TRPM1: variants seen among roughly 807,000 people sequenced by gnomAD.
TRPM1 encodes the protein transient receptor potential cation channel subfamily M member 1, also known as TRPM1-203 APA Isoform, Intron 10.
TRPM1 carries 113 observed loss-of-function variants against 149.4 expected under a neutral mutation model. The ratio of observed to expected loss-of-function variants is 0.76; its 90% CI spans 0.65 to 0.88. The LOEUF is 0.88. Among genes scored for constraint, TRPM1 ranks in the 40% least tolerant of loss-of-function variants. The probability of loss-of-function intolerance (pLI) is 0.00; values close to 1 mark genes in which losing one functional copy is unlikely to be tolerated. For synonymous variants in TRPM1, 741 were observed against 759.5 expected (o/e 0.98, Z 0.40); for missense variants, 1,976 against 2,038.7 (o/e 0.97, Z 0.59).
chr15:31,104,784 CT>C (rs549895594), upstream of TRPM1, among the ~76,000 whole-genome samples: 91 of 152,038 alleles, frequency 6.0e-4, 3 homozygotes, highest in South Asian at 0.019. Context: ...TTAATAGAGA[CT>C]GGGTTTCACC....
At chr15:31,081,219 G>A (rs2034848486) in intron 2 of TRPM1, 134 bp downstream of exon 2, 3 of 729,346 alleles carry the variant, frequency 4.1e-6, no homozygotes, top group Non-Finnish European at 4.8e-6. Context: ...GCCATGGCCC[G>A]AGCCAGGCTC....
At chr15:31,035,879 C>T (rs751153982) in intron 20 of TRPM1, 2 of 657,218 alleles carry the variant, frequency 3.0e-6, no homozygotes, top group South Asian at 1.8e-5. Context: ...TACTTCAGCA[C>T]GATATGGGCC....
At chr15:31,034,136 C>A (rs542225875) in intron 21 of TRPM1, among the ~76,000 whole-genome samples, 1 of 152,252 alleles carries the variant, frequency 6.6e-6, no homozygotes, top group African/African-American at 2.4e-5. Context: ...TACATGCTTT[C>A]TCTTTATAAG....
At chr15:31,114,563 G>A (rs1030460570) in intron 1 of TRPM1, among the ~76,000 whole-genome samples, 2 of 152,086 alleles carry the variant, frequency 1.3e-5, no homozygotes, top group African/African-American at 4.8e-5. Flanking sequence ...AAAGACAAAG[G>A]TACAATTTTA....
At chr15:31,124,762 GGTTTT>G (rs1479517927) in intron 1 of TRPM1, among the ~76,000 whole-genome samples, 1 of 152,132 alleles carries the variant, frequency 6.6e-6, no homozygotes, top group Admixed American at 6.5e-5. Flanking sequence ...TGAATGTCAG[GGTTTT>G]GGGGGAAGAC....
chr15:31,057,374 G>A (rs750017392), intron 11 of TRPM1, among the ~76,000 whole-genome samples: 52 of 152,060 alleles, frequency 3.4e-4, no homozygotes, highest in Non-Finnish European at 6.3e-4. Context: ...AACAGACACT[G>A]GGGCCTTTTG....
Position 31,067,167 on chromosome 15 carries a change from C to T in TRPM1, c.514G>A (p.Asp172Asn). Residue 172 changes from aspartate (D) to asparagine (N), a missense_variant, in exon 6 of 28, where the codon GAT (aspartate) becomes AAT (asparagine). Physicochemically the swap from Asp to Asn is conservative, Grantham distance 23 (BLOSUM62 1). Transcript: ENST00000256552. ...TTGGAGGAGTGGTCTTTCAAGGCAT[C>T]CCCTACGTGGCTGATAACACCTGTG... Reference protein sequence around the residue: ...VSTGVISHVGDALKDHSSKSR... With the variant: ...VSTGVISHVGNALKDHSSKSR... 1 of 1,614,164 alleles carries T rather than the reference C, an allele frequency of 6.2e-7. No homozygotes were observed. Among genetic ancestry groups the T allele is most frequent in the Non-Finnish European group, 8.5e-7 (1 of 1,180,024 alleles).
chr15:31,007,714 A>G (rs551613526), intron 27 of TRPM1, among the ~76,000 whole-genome samples: 102 of 152,282 alleles, frequency 6.7e-4, no homozygotes, highest in African/African-American at 2.4e-3. Flanking sequence ...TATATCTACA[A>G]AATATCCTGC....
At chr15:31,143,313 TGAA>T (rs1174196597) in intron 1 of TRPM1, among the ~76,000 whole-genome samples, 2 of 152,238 alleles carry the variant, frequency 1.3e-5, no homozygotes, top group East Asian at 1.9e-4. Context: ...AATGAACTGA[TGAA>T]GAAGAATTAC....
chr15:31,117,004 CAG>C (rs2035807800), intron 1 of TRPM1, among the ~76,000 whole-genome samples: 2 of 152,318 alleles, frequency 1.3e-5, no homozygotes, highest in East Asian at 1.9e-4. Flanking sequence ...TCAGATACAG[CAG>C]AGAGTTTGGA....
At chr15:31,138,169 G>A (rs1160028422) in intron 1 of TRPM1, among the ~76,000 whole-genome samples, 1 of 152,098 alleles carries the variant, frequency 6.6e-6, no homozygotes, top group African/African-American at 2.4e-5. Flanking sequence ...TGAAACAATG[G>A]TTTCCAGAAA....
At chr15:31,010,185 T>C (rs12917340) in intron 27 of TRPM1, among the ~76,000 whole-genome samples, 1 of 152,242 alleles carries the variant, frequency 6.6e-6, no homozygotes, top group Non-Finnish European at 1.5e-5. Context: ...TGTTTTGTTT[T>C]AGCAGGTGAT....
intron 1 of TRPM1, among the ~76,000 whole-genome samples, chr15:31,088,807 G>GC (rs896722118): frequency 1.3e-5 from 2 of 151,884 alleles, no homozygotes; most frequent in East Asian, 1.9e-4. Context: ...TCTGCTGGGG[G>GC]GATGCGTCAG....
chr15:31,068,222 T>C (rs1466747090), intron 4 of TRPM1, 130 bp from the exon 5 acceptor site: 2 of 801,482 alleles, frequency 2.5e-6, no homozygotes, highest in African/African-American at 3.4e-5. Context: ...CCTGGAGCCC[T>C]CTGTGTGAGT....
Position 31,037,801 on chromosome 15 carries a change from C to G in TRPM1, c.2481G>C (p.Glu827Asp). The G allele has an allele frequency of 6.2e-7, 1 of 1,614,212 alleles. No homozygotes were observed. Among genetic ancestry groups the G allele is most frequent in the South Asian group, 1.1e-5 (1 of 91,088 alleles). The change falls in exon 20 of 28, where the codon GAG (glutamate) becomes GAC (aspartate). Residue 827 changes from glutamate to aspartate, a missense_variant. Around this residue, in one of 3 missense-constraint regions of TRPM1, gnomAD observed 1,332 missense variants for 1,347.1 expected, o/e 0.99. Transcript: ENST00000256552. Reference protein sequence around the residue: ...ADAGSRKGDEENEHKKQRSIP... With the variant: ...ADAGSRKGDEDNEHKKQRSIP... Reference sequence around the variant, plus strand: ...TACTTCTCTGTTTTTTGTGCTCGTTCTCCTCATCCCCCTTTCTTGAGCCAG... The same window carrying G: ...TACTTCTCTGTTTTTTGTGCTCGTTGTCCTCATCCCCCTTTCTTGAGCCAG...
chr15:31,039,207 G>A (rs941903136), intron 18 of TRPM1, among the ~76,000 whole-genome samples: 3 of 152,100 alleles, frequency 2.0e-5, no homozygotes, highest in African/African-American at 7.2e-5. Flanking sequence ...CTGGGTTTCA[G>A]TGTTGTTGAT....
chr15:31,148,409 G>T (rs2036250700), intron 1 of TRPM1, among the ~76,000 whole-genome samples: 1 of 152,194 alleles, frequency 6.6e-6, no homozygotes, highest in Admixed American at 6.5e-5. Context: ...TGCACCCTGC[G>T]TTGTGTAGGA....
At chr15:31,080,277 C>T (rs1332010097) in intron 2 of TRPM1, among the ~76,000 whole-genome samples, 2 of 152,114 alleles carry the variant, frequency 1.3e-5, no homozygotes, top group Non-Finnish European at 2.9e-5. Context: ...AAGTATTTCC[C>T]ATGGATACTT....
At chr15:31,110,183 T>G (rs7179254) in intron 1 of TRPM1, among the ~76,000 whole-genome samples, 61,328 of 151,998 alleles carry the variant, frequency 0.4, 13,029 homozygotes, top group East Asian at 0.73. Context: ...GATTCTCAGT[T>G]GGCAGAATCT....
Sources: allele counts gnomAD v4.1 joint callset (sites outside exome capture counted in the v4.1 genomes callset), GRCh38; gene constraint gnomAD v4.1.1; regional missense constraint gnomAD v4.1.1; transcripts MANE v1.5; gene names NCBI Gene and HGNC (gene_info 2026-07-23, HGNC 2026-07-21).